The following DPYS variants were observed in gnomAD, a reference collection of about 807,000 sequenced individuals.
The protein encoded by DPYS is dihydropyrimidinase.
In DPYS, 39 loss-of-function variants were observed where a neutral mutation model predicts 50.3. That is an observed-to-expected ratio of 0.78 (90% CI 0.60 to 1.01). DPYS has a LOEUF of 1.01. Among genes scored for constraint, DPYS ranks in the 50% least tolerant of loss-of-function variants. The probability of loss-of-function intolerance (pLI) is 0.00; values close to 1 mark genes in which losing one functional copy is unlikely to be tolerated. For synonymous variants in DPYS, 245 were observed against 250.7 expected (o/e 0.98, Z 0.22); for missense variants, 659 against 680.9 (o/e 0.97, Z 0.36).
intron 1 of DPYS, among the ~76,000 whole-genome samples, chr8:104,462,001 G>C (rs539399585): frequency 2.8e-4 from 43 of 152,068 alleles, no homozygotes; most frequent in Non-Finnish European, 5.3e-4. Flanking sequence ...AATTATAGGT[G>C]ATTTAAATAT....
chr8:104,386,390 A>G (rs1454316968), intron 8 of DPYS, among the ~76,000 whole-genome samples: 3 of 151,742 alleles, frequency 2.0e-5, no homozygotes, highest in Non-Finnish European at 1.5e-5. Context: ...AAAATTATCC[A>G]GGTGTGGTGG....
rs746326051 is a variant in DPYS at position 104,444,251 on chromosome 8, C to T, written c.790G>A (p.Asp264Asn). ...AAKVIADARR[D>N]GKVVYGEPIA... ...TGAGGTTACATTCGAGAATTACCAT[C>T]TCTCCTTGCATCCGCTATCACCTTA... The change falls in exon 4 of 10, where the codon GAT becomes AAT. Residue 264 changes from aspartate to asparagine, a missense_variant. Transcript: ENST00000351513. 6.8e-6 allele frequency: 11 copies of T among 1,614,198 alleles called. No homozygotes were observed. The highest frequency in any genetic ancestry group is 1.1e-5 in the South Asian group (1 of 91,086).
intron 7 of DPYS, among the ~76,000 whole-genome samples, chr8:104,401,736 C>G (rs954888874): frequency 1.3e-5 from 2 of 152,174 alleles, no homozygotes; most frequent in Non-Finnish European, 2.9e-5. Context: ...CTATTTCAAA[C>G]TACCTCTTCT....
chr8:104,415,704 T>C (rs1470053902), intron 7 of DPYS, among the ~76,000 whole-genome samples: 1 of 152,170 alleles, frequency 6.6e-6, no homozygotes, highest in Non-Finnish European at 1.5e-5. Context: ...TCGGGCTATC[T>C]TAGCCAAAAT....
At chr8:104,416,143 A>G (rs960735729) in intron 7 of DPYS, among the ~76,000 whole-genome samples, 1 of 152,238 alleles carries the variant, frequency 6.6e-6, no homozygotes, top group African/African-American at 2.4e-5. Flanking sequence ...CAGACTAGGA[A>G]TTTATCACCA....
intron 6 of DPYS, 32 bp downstream of exon 6, chr8:104,427,948 G>C: frequency 6.2e-7 from 1 of 1,613,418 alleles, no homozygotes; most frequent in Non-Finnish European, 8.5e-7. Context: ...TGAAGAACTA[G>C]GCAAAGCAAG....
chr8:104,416,576 GA>G (rs1812376360), intron 7 of DPYS, among the ~76,000 whole-genome samples: 1 of 152,144 alleles, frequency 6.6e-6, no homozygotes, highest in Non-Finnish European at 1.5e-5. Context: ...GACACTCTTA[GA>G]AACAGGCATG....
chr8:104,418,264 A>T (rs1392094959), intron 7 of DPYS, among the ~76,000 whole-genome samples: 1 of 152,160 alleles, frequency 6.6e-6, no homozygotes. Flanking sequence ...TTAGATACTA[A>T]CAAGACGGCT....
chr8:104,417,607 C>G (rs1812410274), intron 7 of DPYS, among the ~76,000 whole-genome samples: 1 of 144,866 alleles, frequency 6.9e-6, no homozygotes, highest in Non-Finnish European at 1.5e-5. Context: ...AGTAGTGAAG[C>G]AGTAGGACAC....
intron 4 of DPYS, among the ~76,000 whole-genome samples, chr8:104,442,470 A>G (rs2140697772): frequency 6.6e-6 from 1 of 152,346 alleles, no homozygotes; most frequent in East Asian, 1.9e-4. Context: ...GGAAATAATT[A>G]TAGACCGACT....
chr8:104,466,937 G>A lies in DPYS; in HGVS notation c.-17C>T, dbSNP rs1419656772. The A allele has an allele frequency of 2.1e-6, 3 of 1,440,468 alleles. No individual in the cohort carries two copies. Among genetic ancestry groups the A allele is most frequent in the Non-Finnish European group, 2.7e-6 (3 of 1,104,294 alleles). 89.2% of individuals were successfully genotyped at this position (1,440,468 alleles called of 1,614,324 possible). ...CGCCGCCATAGCGAGGGGCGCGCGG[G>A]GTCCTACTCGGCCCGGGCTGCGCGC... On this transcript the variant is annotated 5_prime_UTR_variant, in exon 1 of 10. Coordinates refer to ENST00000351513, the MANE Select transcript of DPYS (RefSeq NM_001385.3).
intron 6 of DPYS, among the ~76,000 whole-genome samples, chr8:104,426,628 G>A (rs1812730685): frequency 6.6e-6 from 1 of 152,202 alleles, no homozygotes; most frequent in African/African-American, 2.4e-5. Flanking sequence ...TATAATTAAT[G>A]TGTCATTTGA....
chr8:104,441,379 T>C (rs1813350567), intron 4 of DPYS, among the ~76,000 whole-genome samples: 1 of 152,178 alleles, frequency 6.6e-6, no homozygotes, highest in South Asian at 2.1e-4. Flanking sequence ...GCCCAGCAGA[T>C]GTCCACATCT....
At chr8:104,457,872 G>A (rs1360008379) in intron 1 of DPYS, among the ~76,000 whole-genome samples, 4 of 152,098 alleles carry the variant, frequency 2.6e-5, no homozygotes, top group African/African-American at 9.7e-5. Flanking sequence ...AGTTACTCTT[G>A]ACACCTACTT....
At chr8:104,450,166 G>A (rs961857909) in intron 2 of DPYS, among the ~76,000 whole-genome samples, 1 of 145,780 alleles carries the variant, frequency 6.9e-6, no homozygotes, top group African/African-American at 2.5e-5. Flanking sequence ...AGGAAGGGAG[G>A]GAGGGAGGGA....
At chr8:104,387,014 A>T (rs571562293) in intron 8 of DPYS, among the ~76,000 whole-genome samples, 1 of 152,316 alleles carries the variant, frequency 6.6e-6, no homozygotes, top group Admixed American at 6.5e-5. Flanking sequence ...GGAGGCTAAG[A>T]TACTAAAATA....
intron 4 of DPYS, among the ~76,000 whole-genome samples, chr8:104,433,232 C>A (rs1432057921): frequency 6.6e-6 from 1 of 152,124 alleles, no homozygotes; most frequent in Non-Finnish European, 1.5e-5. Context: ...GTTGTTTAAG[C>A]GGCCCAGTCT....
At chr8:104,437,122 GGAAAA>G (rs1385651302) in intron 4 of DPYS, among the ~76,000 whole-genome samples, 1 of 152,180 alleles carries the variant, frequency 6.6e-6, no homozygotes, top group East Asian at 1.9e-4. Context: ...TGGAGTCCCA[GGAAAA>G]GAAAACAGAG....
chr8:104,434,829 C>T (rs911627679), intron 4 of DPYS, among the ~76,000 whole-genome samples: 5 of 151,876 alleles, frequency 3.3e-5, no homozygotes, highest in Non-Finnish European at 7.4e-5. Context: ...ATATTTTTAC[C>T]CTAAAGAAAG....
Sources: gnomAD v4.1 joint callset for allele counts (sites outside exome capture counted in the v4.1 genomes callset) on GRCh38, gnomAD v4.1.1 for gene constraint, MANE v1.5 for transcripts, NCBI Gene and HGNC (gene_info 2026-07-23, HGNC 2026-07-21) for gene names.